ESR1: variants seen among roughly 807,000 people sequenced by gnomAD.
ESR1 encodes the protein estrogen receptor 1.
Under a neutral mutation model 52.7 loss-of-function variants are expected in ESR1, and 12 were observed. The observed-to-expected ratio is 0.23, with a 90% CI of 0.15 to 0.37. The LOEUF is 0.37. ESR1 is among the 10% of genes least tolerant of loss of function. The pLI is 1.00. For synonymous variants in ESR1, 305 were observed against 316.8 expected (o/e 0.96, Z 0.39); for missense variants, 584 against 779.7 (o/e 0.75, Z 2.99).
chr6:151,966,078 T>A (rs1027061930), intron 4 of ESR1, among the ~76,000 whole-genome samples: 10 of 152,200 alleles, frequency 6.6e-5, no homozygotes, highest in African/African-American at 2.2e-4. Flanking sequence ...TTGAGTAATT[T>A]TTCAGAATCG....
intron 5 of ESR1, among the ~76,000 whole-genome samples, chr6:152,049,853 A>G (rs1477084295): frequency 6.6e-6 from 1 of 152,178 alleles, no homozygotes; most frequent in Non-Finnish European, 1.5e-5. Context: ...ACCCCATAGT[A>G]GTCAGGGATT....
At chr6:151,904,006 A>G (rs945035802) in intron 3 of ESR1, among the ~76,000 whole-genome samples, 47 of 152,344 alleles carry the variant, frequency 3.1e-4, no homozygotes, top group Middle Eastern at 3.4e-3. Context: ...AAAGGAAAAA[A>G]GAGAAGTGGT....
At chr6:151,694,779 T>G (rs2115371199) in intron 1 of ESR1, among the ~76,000 whole-genome samples, 1 of 144,736 alleles carries the variant, frequency 6.9e-6, no homozygotes, top group Middle Eastern at 3.5e-3. Context: ...AGAGTGAAAC[T>G]GCATCTAAAA....
chr6:151,755,359 A>G (rs1458399014), intron 2 of ESR1, among the ~76,000 whole-genome samples: 1 of 151,808 alleles, frequency 6.6e-6, no homozygotes, highest in African/African-American at 2.4e-5. Context: ...TCCAGTTCTC[A>G]AGCCAAACAC....
chr6:151,714,468 T>C (rs2128004210), intron 2 of ESR1, among the ~76,000 whole-genome samples: 1 of 152,332 alleles, frequency 6.6e-6, no homozygotes, highest in South Asian at 2.1e-4. Context: ...TGTGTGAGAA[T>C]CTAAGTCTCT....
intron 2 of ESR1, among the ~76,000 whole-genome samples, chr6:151,854,090 A>G (rs1373838461): frequency 6.6e-6 from 1 of 152,154 alleles, no homozygotes; most frequent in Non-Finnish European, 1.5e-5. Context: ...TTTTAAAGAG[A>G]ATGGTCTGTA....
chr6:151,905,043 G>C (rs964966489), intron 3 of ESR1, among the ~76,000 whole-genome samples: 2 of 152,078 alleles, frequency 1.3e-5, no homozygotes, highest in African/African-American at 4.8e-5. Flanking sequence ...AGAAACAAAA[G>C]CAAAACAACA....
chr6:151,982,332 A>T (rs1460928613), intron 4 of ESR1, among the ~76,000 whole-genome samples: 4 of 152,350 alleles, frequency 2.6e-5, no homozygotes, highest in East Asian at 1.9e-4. Flanking sequence ...CATGTTTAAC[A>T]TGCAAAATGC....
At chr6:151,735,482 G>A (rs893994736) in intron 2 of ESR1, among the ~76,000 whole-genome samples, 3 of 152,142 alleles carry the variant, frequency 2.0e-5, no homozygotes, top group Admixed American at 6.5e-5. Flanking sequence ...ACACAATCAG[G>A]TGTCCAAATG....
chr6:151,694,693 T>C (rs1779196107), intron 1 of ESR1, among the ~76,000 whole-genome samples: 1 of 151,436 alleles, frequency 6.6e-6, no homozygotes, highest in African/African-American at 2.4e-5. Context: ...AGGCTGAGAC[T>C]GGAGAATCGC....
intron 4 of ESR1, among the ~76,000 whole-genome samples, chr6:151,999,165 A>G (rs566915119): frequency 3.8e-4 from 58 of 152,086 alleles, no homozygotes; most frequent in Non-Finnish European, 7.5e-4. Flanking sequence ...TGGAGGTTTT[A>G]CCTGTTTATT....
intron 5 of ESR1, among the ~76,000 whole-genome samples, chr6:152,048,672 G>A (rs943213309): frequency 6.6e-5 from 10 of 152,100 alleles, no homozygotes; most frequent in African/African-American, 1.7e-4. Flanking sequence ...TATTTACTGC[G>A]TGAAGGAATG....
At chr6:151,855,932 C>G (rs899606554) in intron 2 of ESR1, among the ~76,000 whole-genome samples, 2 of 152,114 alleles carry the variant, frequency 1.3e-5, no homozygotes, top group Admixed American at 1.3e-4. Context: ...ATGCTCAATT[C>G]TGCATGTGTG....
chr6:151,932,300 G>T (rs2033746272), intron 3 of ESR1, among the ~76,000 whole-genome samples: 1 of 147,988 alleles, frequency 6.8e-6, no homozygotes, highest in Admixed American at 6.7e-5. Flanking sequence ...TGATGGGGTT[G>T]TTTGTTTTTT....
At chr6:151,821,082 CT>C (rs1243244681) in intron 1 of ESR1, among the ~76,000 whole-genome samples, 2 of 152,018 alleles carry the variant, frequency 1.3e-5, no homozygotes, top group African/African-American at 4.8e-5. Context: ...GGTGAAGGAA[CT>C]TCCCCCAAAG....
At chr6:151,752,468 C>CTT (rs201047018) in intron 2 of ESR1, among the ~76,000 whole-genome samples, 25 of 131,596 alleles carry the variant, frequency 1.9e-4, no homozygotes, top group African/African-American at 5.5e-4. Context: ...ACTGCAACTG[C>CTT]TTTTTTTTTT....
intron 3 of ESR1, among the ~76,000 whole-genome samples, chr6:151,900,559 T>A (rs1375438184): frequency 6.6e-6 from 1 of 152,214 alleles, no homozygotes; most frequent in South Asian, 2.1e-4. Context: ...TGGTTCCTTC[T>A]CATTTGGTAG....
At chr6:151,818,163 C>G (rs1175208694) in intron 1 of ESR1, among the ~76,000 whole-genome samples, 1 of 152,190 alleles carries the variant, frequency 6.6e-6, no homozygotes, top group African/African-American at 2.4e-5. Context: ...GGCACTCCAG[C>G]TTGGTATAGA....
At chr6:151,864,188 C>T (rs1583779834) in intron 2 of ESR1, among the ~76,000 whole-genome samples, 2 of 152,110 alleles carry the variant, frequency 1.3e-5, no homozygotes, top group East Asian at 3.8e-4. Context: ...TTGCAATCTA[C>T]TCATCTGACA....
Sources: allele counts gnomAD v4.1 joint callset (sites outside exome capture counted in the v4.1 genomes callset), GRCh38; gene constraint gnomAD v4.1.1; transcripts MANE v1.5; gene names NCBI Gene and HGNC (gene_info 2026-07-23, HGNC 2026-07-21).